Variants in ASTN2 observed in about 807,000 individuals in gnomAD.
The protein encoded by ASTN2 is astrotactin 2.
ASTN2 carries 54 observed loss-of-function variants against 139.8 expected under a neutral mutation model. The observed-to-expected ratio is 0.39, with a 90% CI of 0.31 to 0.48. ASTN2 has a LOEUF of 0.48. Among genes scored for constraint, ASTN2 ranks in the 20% least tolerant of loss-of-function variants. The probability of loss-of-function intolerance (pLI) is 0.95; values close to 1 mark genes in which losing one functional copy is unlikely to be tolerated. For missense variants in ASTN2, 1,565 were observed against 1,725.1 expected (o/e 0.91, Z 1.64); for synonymous variants, 756 against 719.5 (o/e 1.05, Z -0.81).
intron 13 of ASTN2, among the ~76,000 whole-genome samples, chr9:116,768,929 T>C (rs1409577867): frequency 2.0e-5 from 3 of 152,220 alleles, no homozygotes; most frequent in African/African-American, 7.2e-5. Context: ...CTCTGGTGAC[T>C]ACTAAATGGG....
chr9:117,323,492 C>T (rs947958089), intron 1 of ASTN2, among the ~76,000 whole-genome samples: 1 of 152,138 alleles, frequency 6.6e-6, no homozygotes, highest in East Asian at 1.9e-4. Context: ...GCTTTGCCAG[C>T]CTGAAGACTT....
At chr9:116,671,990 T>G (rs184372150) in intron 16 of ASTN2, among the ~76,000 whole-genome samples, 15 of 152,218 alleles carry the variant, frequency 9.9e-5, no homozygotes, top group African/African-American at 3.4e-4. Flanking sequence ...GGAAAAAAAG[T>G]GTGTTGTTTC....
chr9:116,606,390 A>G (rs944465682), intron 19 of ASTN2, among the ~76,000 whole-genome samples: 3 of 152,150 alleles, frequency 2.0e-5, no homozygotes, highest in African/African-American at 7.2e-5. Flanking sequence ...GATGGCAGCC[A>G]TAAAGTGTGT....
rs1307508048 is a variant in ASTN2, at chr9:116,732,507, GCTCT to G, written c.2521+888_2521+891del. 2.0e-5 allele frequency among the ~76,000 whole-genome samples: 3 copies of G among 152,188 alleles called. No homozygotes were observed. The East Asian group carries it at 5.8e-4, about 29-fold the overall frequency. The stretch of plus-strand genomic sequence containing the variant: ...GAACAATTCCCCTCTCAGTGAAAGA[GCTCT>G]ATTATCCTTCCCCATGACGATTCCC... On this transcript the variant is annotated intron_variant, in intron 14 of 22. Transcript: ENST00000313400.
At chr9:116,999,161 C>T (rs1837108314) in intron 7 of ASTN2, among the ~76,000 whole-genome samples, 1 of 152,152 alleles carries the variant, frequency 6.6e-6, no homozygotes, top group Non-Finnish European at 1.5e-5. Context: ...ATGCCATTTA[C>T]AAATTGTTTC....
chr9:117,003,950 G>GCA (rs1837274780), intron 7 of ASTN2, among the ~76,000 whole-genome samples: 22 of 143,198 alleles, frequency 1.5e-4, no homozygotes, highest in Admixed American at 9.5e-4. Context: ...ACGCGCGCGC[G>GCA]CGCGTGTGTG....
At chr9:116,805,502 T>C in intron 13 of ASTN2, 130 bp downstream of exon 13, 1 of 803,192 alleles carries the variant, frequency 1.2e-6, no homozygotes, top group East Asian at 2.5e-5. Flanking sequence ...CTTAAGAGGG[T>C]ACCTGTGAGC....
chr9:117,181,902 C>T (rs1394041418), intron 3 of ASTN2, among the ~76,000 whole-genome samples: 29 of 152,138 alleles, frequency 1.9e-4, no homozygotes, highest in Admixed American at 1.8e-3. Flanking sequence ...CAGCAAGACT[C>T]GTTTGGGATT....
intron 19 of ASTN2, among the ~76,000 whole-genome samples, chr9:116,576,778 T>C (rs1294531327): frequency 1.3e-5 from 2 of 152,150 alleles, no homozygotes; most frequent in African/African-American, 2.4e-5. Flanking sequence ...TACAGAAGTG[T>C]TCTGGCTTGA....
chr9:116,529,731 G>C (rs1424454746), intron 19 of ASTN2, among the ~76,000 whole-genome samples: 4 of 151,980 alleles, frequency 2.6e-5, no homozygotes, highest in African/African-American at 9.7e-5. Context: ...ATGATAGTGA[G>C]TGAGTTCTCA....
chr9:116,663,981 G>A (rs1159902713), intron 16 of ASTN2, among the ~76,000 whole-genome samples: 1 of 152,078 alleles, frequency 6.6e-6, no homozygotes, highest in Non-Finnish European at 1.5e-5. Flanking sequence ...AGAGATTCAA[G>A]TTCAGGCAGT....
chr9:117,211,024 A>AT (rs1316399554), intron 3 of ASTN2, among the ~76,000 whole-genome samples: 1 of 151,384 alleles, frequency 6.6e-6, no homozygotes, highest in African/African-American at 2.4e-5. Context: ...TCTCCTCGTG[A>AT]TAAAAACTCT....
chr9:116,921,692 T>C (rs1245181168), intron 10 of ASTN2, among the ~76,000 whole-genome samples: 5 of 151,834 alleles, frequency 3.3e-5, no homozygotes, highest in Non-Finnish European at 5.9e-5. Context: ...TCAGGAAACT[T>C]ACAATCGTGT....
chr9:116,572,282 C>G (rs1853550265), intron 19 of ASTN2, among the ~76,000 whole-genome samples: 1 of 152,192 alleles, frequency 6.6e-6, no homozygotes, highest in South Asian at 2.1e-4. Context: ...GAAAGGTCAG[C>G]TGGCCGCCTT....
intron 16 of ASTN2, among the ~76,000 whole-genome samples, chr9:116,665,778 C>T (rs933200613): frequency 6.6e-6 from 1 of 152,150 alleles, no homozygotes; most frequent in Non-Finnish European, 1.5e-5. Context: ...ATAATAATTG[C>T]AATTGATTTA....
chr9:117,127,058 C>G (rs1212575436), intron 4 of ASTN2, among the ~76,000 whole-genome samples: 1 of 152,172 alleles, frequency 6.6e-6, no homozygotes, highest in Non-Finnish European at 1.5e-5. Flanking sequence ...AGGATAATTG[C>G]TCTGACTTGG....
chr9:116,612,713 T>G (rs1373641439), intron 19 of ASTN2: 2 of 152,024 alleles, frequency 1.3e-5, no homozygotes, highest in Non-Finnish European at 2.9e-5. Flanking sequence ...GGGACACATT[T>G]AAAGCAGTGT....
chr9:116,715,215 A>G (rs1048738928), intron 16 of ASTN2, among the ~76,000 whole-genome samples: 3 of 151,714 alleles, frequency 2.0e-5, no homozygotes, highest in Non-Finnish European at 4.4e-5. Context: ...TTGGAGATTC[A>G]GTCTTTTCTA....
At chr9:116,664,320 A>G (rs1858736524) in intron 16 of ASTN2, among the ~76,000 whole-genome samples, 1 of 151,550 alleles carries the variant, frequency 6.6e-6, no homozygotes, top group African/African-American at 2.4e-5. Context: ...AGCTCAAGGA[A>G]TCCACCCTCC....
Sources: allele counts gnomAD v4.1 joint callset (sites outside exome capture counted in the v4.1 genomes callset), GRCh38; gene constraint gnomAD v4.1.1; transcripts MANE v1.5; gene names NCBI Gene and HGNC (gene_info 2026-07-23, HGNC 2026-07-21).